The following CIITA variants were observed in gnomAD, a reference collection of about 807,000 sequenced individuals.
The protein encoded by CIITA is class II major histocompatibility complex transactivator, also known as MHC class II transactivator.
Under a neutral mutation model 115.1 loss-of-function variants are expected in CIITA, and 72 were observed. The observed-to-expected ratio is 0.63, with a 90% confidence interval of 0.52 to 0.76. The LOEUF (loss-of-function observed/expected upper bound fraction) is 0.76, where lower values mean the gene tolerates loss of function less well. CIITA is among the 30% of genes least tolerant of loss of function. The pLI is 0.00. For synonymous variants in CIITA, 763 were observed against 635.6 expected, an observed-to-expected ratio of 1.20 and a Z score of -3.02; for missense variants, 1,617 against 1,463.8, an observed-to-expected ratio of 1.10 and a Z score of -1.71.
intron 3 of CIITA, among the ~76,000 whole-genome samples, chr16:10,898,408 G>C (rs1418955472): frequency 6.6e-6 from 1 of 151,996 alleles, no homozygotes; most frequent in Non-Finnish European, 1.5e-5. Context: ...CTCAAATCCT[G>C]CAGTAACTCT....
intron 1 of CIITA, among the ~76,000 whole-genome samples, chr16:10,890,885 T>C (rs1466636828): frequency 6.6e-6 from 1 of 152,188 alleles, no homozygotes; most frequent in Non-Finnish European, 1.5e-5. Context: ...CCAATTATTA[T>C]TCGCATTTTA....
Position 10,929,158 on chromosome 16 carries a change from G to A in CIITA, c.*5303G>A, listed in dbSNP as rs996665577. ...TTTCTTCTGAGTCACCCCTGAAACA[G>A]TCGCTGCATCTAAGACCAGCCTCGG... On this transcript the variant is annotated 3_prime_UTR_variant, in exon 20 of 20. Coordinates refer to ENST00000324288, the MANE Select transcript of CIITA (RefSeq NM_000246.4). This position sits in a 1 kb window ranked among gnomAD's most constrained non-coding sequence, Gnocchi z 4.3. The A allele has an allele frequency of 7.4e-6, 7 of 950,246 alleles. No homozygotes were observed. The African/African-American group carries it at 1.2e-4, about 17-fold the overall frequency. The allele number at this position is 950,246 out of a possible 1,614,324, so 58.9% of individuals were successfully genotyped here.
At chr16:10,898,326 C>A (rs2038348255) in intron 3 of CIITA, among the ~76,000 whole-genome samples, 1 of 151,928 alleles carries the variant, frequency 6.6e-6, no homozygotes, top group South Asian at 2.1e-4. Flanking sequence ...AATGGAGGCC[C>A]ACAGTGGTTA....
Position 10,901,873 on chromosome 16 carries a change from T to C in CIITA, c.482-165T>C. On this transcript the variant is annotated intron_variant, in intron 6 of 19. Transcript: ENST00000324288. This position sits in a 1 kb window ranked among gnomAD's most constrained non-coding sequence, Gnocchi z 6.8. ...AGTCACAAGGAGAGGACTGGGGGAC[T>C]GCCTGGCACAGAGCAGTTGCTGATC... is the stretch of plus-strand genomic sequence containing the variant. 1.0e-6 allele frequency: 1 copy of C among 1,004,550 alleles called. No individual in the cohort carries two copies. Among genetic ancestry groups the C allele is most frequent in the African/African-American group, 1.6e-5 (1 of 63,288 alleles). 62.2% of individuals were successfully genotyped at this position (1,004,550 alleles called of 1,614,324 possible).
In CIITA at chr16:10,906,963, C is replaced by T. The variant is rs1451159637; in HGVS notation, c.1471C>T (p.Pro491Ser). 2 of 1,612,670 alleles carry T rather than the reference C, an allele frequency of 1.2e-6. No homozygotes were observed. The highest frequency in any genetic ancestry group is 2.2e-5 in the South Asian group (2 of 91,088). ...DEVFSHILKRPDRVLLILDGF... is the reference protein window; with the variant it reads ...DEVFSHILKRSDRVLLILDGF... ...GGTTTTCAGCCACATCTTGAAGAGA[C>T]CTGACCGCGTTCTGCTCATCCTAGA... Residue 491 changes from proline (P) to serine (S), a missense_variant, in exon 11 of 20, where the codon CCT becomes TCT. Pro to Ser is a moderately conservative substitution (Grantham distance 74). Transcript: ENST00000324288.
intron 13 of CIITA, chr16:10,913,356 C>G (rs2039717130): frequency 6.5e-6 from 1 of 153,370 alleles, no homozygotes; most frequent in East Asian, 1.9e-4. Context: ...GCTCTGTCAC[C>G]CAGGCTGGAG....
chr16:10,909,225 GC>G, intron 12 of CIITA, 38 bp downstream of exon 12: 1 of 1,607,324 alleles, frequency 6.2e-7, no homozygotes, highest in East Asian at 2.2e-5. Flanking sequence ...TTCACGCCAT[GC>G]AGGTTGAGGA....
At position 10,877,260 on chromosome 16, in the gene CIITA, T is replaced by C. The variant is rs2035911302; in HGVS notation, c.-71T>C. ...TGAGCTGGGCATCCGAAGGCATCCT[T>C]GGGGAAGCTGAGGGCACGAGGAGGG... On this transcript the variant is annotated 5_prime_UTR_variant, in exon 1 of 20. Transcript: ENST00000324288. 7.6e-6 allele frequency: 11 copies of C among 1,453,904 alleles called. No individual in the cohort carries two copies. Among genetic ancestry groups the C allele is most frequent in the Middle Eastern group, 2.0e-4 (1 of 4,946 alleles). 90.1% of individuals were successfully genotyped at this position (1,453,904 alleles called of 1,614,324 possible). A position where few individuals can be genotyped will look rare whatever the true frequency, so the allele number is the denominator to read the frequency against.
chr16:10,876,366 T>C (rs75606348), upstream of CIITA, among the ~76,000 whole-genome samples: 1,664 of 152,212 alleles, frequency 0.011, 13 homozygotes, highest in Non-Finnish European at 0.018. Flanking sequence ...AGGGAAAAAA[T>C]GGCAAAAACA....
At chr16:10,922,382 C>G in intron 17 of CIITA, 25 bp from the exon 18 acceptor site, 1 of 1,614,048 alleles carries the variant, frequency 6.2e-7, no homozygotes, top group Non-Finnish European at 8.5e-7. Context: ...AAGGGCCAGG[C>G]CCCAAGGTGA....
At chr16:10,916,264 T>A in intron 14 of CIITA, 103 bp from the exon 15 acceptor site, 2 of 1,008,760 alleles carry the variant, frequency 2.0e-6, no homozygotes, top group Non-Finnish European at 3.1e-6. Flanking sequence ...AGCTGGGGGG[T>A]GGGAAGGGCA....
At chr16:10,902,292 C>T in intron 7 of CIITA, 108 bp downstream of exon 7, 3 of 1,459,672 alleles carry the variant, frequency 2.1e-6, no homozygotes, top group African/African-American at 1.4e-5. Flanking sequence ...CTCTCCCCAA[C>T]CCTATCAGTG....
intron 2 of CIITA, 86 bp downstream of exon 2, chr16:10,895,514 C>T (rs2038037405): frequency 6.3e-6 from 10 of 1,592,756 alleles, no homozygotes; most frequent in Non-Finnish European, 8.6e-6. Flanking sequence ...ATTCTGGTCC[C>T]TGCCCTCCCG....
Position 10,941,544 on chromosome 16 carries a change from C to T in CIITA, n.670C>T. The T allele has an allele frequency of 7.0e-7, 1 of 1,434,074 alleles. No homozygotes were observed. The highest frequency in any genetic ancestry group is 1.5e-5 in the South Asian group (1 of 65,530). The allele number at this position is 1,434,074 out of a possible 1,614,324, so 88.8% of individuals were successfully genotyped here. A position where few individuals can be genotyped will look rare whatever the true frequency, so the allele number is the denominator to read the frequency against. On this transcript the variant is annotated non_coding_transcript_exon_variant, in exon 2 of 2. Transcript: ENST00000573379. The surrounding 1 kb of genome is among the most constrained non-coding windows in gnomAD (Gnocchi z 6.4). ...CCTTGCTAGCGCCCCAACCCGCCCT[C>T]ATCCTGTTCAGAGAGGGCACTTACA... is the stretch of plus-strand genomic sequence containing the variant.
At position 10,941,681 on chromosome 16, in the gene CIITA, G is replaced by C. The variant is rs373347012; in HGVS notation, n.807G>C. The C allele has an allele frequency of 1.9e-6, 3 of 1,568,752 alleles. No homozygotes were observed. Among genetic ancestry groups the C allele is most frequent in the Non-Finnish European group, 2.6e-6 (3 of 1,154,656 alleles). On this transcript the variant is annotated non_coding_transcript_exon_variant, in exon 2 of 2. Transcript: ENST00000573379. This position sits in a 1 kb window ranked among gnomAD's most constrained non-coding sequence, Gnocchi z 6.4. ...GCGGCTGGTCCAGGGCATGGGTTGC[G>C]GATCGTGTAGGGAAGAGGGGAACAG...
At chr16:10,893,597 T>A (rs2037811538) in intron 1 of CIITA, among the ~76,000 whole-genome samples, 1 of 151,806 alleles carries the variant, frequency 6.6e-6, no homozygotes, top group Non-Finnish European at 1.5e-5. Context: ...TCACTTGAGG[T>A]CAGGAGTTTG....
chr16:10,896,822 G>C (rs562583559), intron 3 of CIITA, among the ~76,000 whole-genome samples: 1 of 152,352 alleles, frequency 6.6e-6, no homozygotes, highest in East Asian at 1.9e-4. Flanking sequence ...TTTTTCCCCA[G>C]AGCACAGTGT....
At chr16:10,895,551 T>A in intron 2 of CIITA, 118 bp from the exon 3 acceptor site, 2 of 1,545,260 alleles carry the variant, frequency 1.3e-6, no homozygotes, top group African/African-American at 2.7e-5. Context: ...CTCCCACGTC[T>A]GTGGGACGCT....
intron 18 of CIITA, chr16:10,922,834 T>G: frequency 2.0e-6 from 1 of 502,476 alleles, no homozygotes; most frequent in Non-Finnish European, 3.6e-6. Context: ...TTTCATATGG[T>G]TCAGGTTTAT....
Sources: allele counts gnomAD v4.1 joint callset (sites outside exome capture counted in the v4.1 genomes callset), GRCh38; gene constraint gnomAD v4.1.1; non-coding constraint Gnocchi (gnomAD v3.1); transcripts MANE v1.5; gene names NCBI Gene and HGNC (gene_info 2026-07-23, HGNC 2026-07-21).